THEMIS: variants seen among roughly 807,000 people sequenced by gnomAD.
The protein encoded by THEMIS is thymocyte selection associated.
A neutral mutation model predicts 52.6 loss-of-function variants in THEMIS; 37 were observed. The observed-to-expected ratio is 0.70, with a 90% CI of 0.54 to 0.93. The LOEUF is 0.93. THEMIS is among the 40% of genes least tolerant of loss of function. THEMIS has a pLI of 0.00. For synonymous variants in THEMIS, 292 were observed against 272.7 expected (o/e 1.07, Z -0.70); for missense variants, 808 against 763.1 (o/e 1.06, Z -0.69).
At chr6:127,785,210 A>C in intron 4 of THEMIS, among the ~76,000 whole-genome samples, 5 of 78,016 alleles carry the variant, frequency 6.4e-5, no homozygotes, top group South Asian at 3.0e-4. Context: ...CTACCTACCT[A>C]TTATCTATCT....
chr6:127,835,130 ACCT>A (rs1778833944), intron 2 of THEMIS, among the ~76,000 whole-genome samples: 1 of 151,348 alleles, frequency 6.6e-6, no homozygotes, highest in Admixed American at 6.6e-5. Flanking sequence ...GCTAGAAAGA[ACCT>A]CCACAGACCT....
chr6:127,753,913 A>AATG (rs1190698082), intron 4 of THEMIS, among the ~76,000 whole-genome samples: 4 of 151,958 alleles, frequency 2.6e-5, no homozygotes, highest in Non-Finnish European at 2.9e-5. Context: ...AACAACAATA[A>AATG]ATGATGATGA....
intron 4 of THEMIS, among the ~76,000 whole-genome samples, chr6:127,772,467 T>A (rs1205223160): frequency 3.3e-5 from 5 of 152,104 alleles, no homozygotes; most frequent in Non-Finnish European, 7.4e-5. Flanking sequence ...GGAAACAGGA[T>A]CATTTGTCCA....
chr6:127,734,793 CGAGAG>C (rs1562223082), intron 4 of THEMIS, among the ~76,000 whole-genome samples: 1 of 142,966 alleles, frequency 7.0e-6, no homozygotes, highest in African/African-American at 2.6e-5. Flanking sequence ...CGCTTGAACC[CGAGAG>C]GCTGAGGTTG....
chr6:127,877,591 G>A (rs1338747297), intron 1 of THEMIS, among the ~76,000 whole-genome samples: 1 of 152,262 alleles, frequency 6.6e-6, no homozygotes, highest in East Asian at 1.9e-4. Flanking sequence ...ATGGCTGGTC[G>A]AGGGAGCAGT....
At chr6:127,730,319 A>AAAAGAAAAGAAC (rs1774736312) in intron 4 of THEMIS, among the ~76,000 whole-genome samples, 1 of 138,686 alleles carries the variant, frequency 7.2e-6, no homozygotes, top group South Asian at 2.1e-4. Context: ...AAGAAAAGAG[A>AAAAGAAAAGAAC]AAAAAAGAAA....
intron 5 of THEMIS, among the ~76,000 whole-genome samples, chr6:127,712,671 T>C (rs579512): frequency 0.47 from 71,315 of 151,634 alleles, 18,033 homozygotes; most frequent in Non-Finnish European, 0.58. Context: ...ATCAAGTAAA[T>C]TATTTCATTC....
intron 4 of THEMIS, among the ~76,000 whole-genome samples, 182 bp downstream of exon 4, chr6:127,812,701 T>C (rs369950093): frequency 5.9e-5 from 9 of 152,176 alleles, no homozygotes; most frequent in African/African-American, 2.2e-4. Context: ...CACATCAAAA[T>C]ATAAAACGCT....
chr6:127,886,608 T>C (rs1050284598), intron 1 of THEMIS, among the ~76,000 whole-genome samples: 1 of 152,044 alleles, frequency 6.6e-6, no homozygotes, highest in Non-Finnish European at 1.5e-5. Context: ...GTAGCTGAGG[T>C]CAGTCCCATG....
At chr6:127,718,071 T>C (rs1235649039) in intron 5 of THEMIS, among the ~76,000 whole-genome samples, 5 of 151,874 alleles carry the variant, frequency 3.3e-5, no homozygotes, top group Non-Finnish European at 7.4e-5. Flanking sequence ...GAACATATAC[T>C]ATATTATATA....
At chr6:127,858,278 A>C (rs1779683284) in intron 1 of THEMIS, among the ~76,000 whole-genome samples, 1 of 152,124 alleles carries the variant, frequency 6.6e-6, no homozygotes, top group African/African-American at 2.4e-5. Flanking sequence ...CTTTTGGAAG[A>C]AAAAAGCTCA....
chr6:127,806,156 T>C (rs1484007749), intron 4 of THEMIS, among the ~76,000 whole-genome samples: 1 of 152,170 alleles, frequency 6.6e-6, no homozygotes, highest in Non-Finnish European at 1.5e-5. Flanking sequence ...ATTGCTATCA[T>C]TTCAAACAGG....
At chr6:127,768,131 A>G (rs144705568) in intron 4 of THEMIS, among the ~76,000 whole-genome samples, 1 of 152,358 alleles carries the variant, frequency 6.6e-6, no homozygotes, top group Non-Finnish European at 1.5e-5. Context: ...GCACATAAAC[A>G]CACAATTTAC....
chr6:127,869,653 G>A (rs1780094895), intron 1 of THEMIS, among the ~76,000 whole-genome samples: 1 of 152,174 alleles, frequency 6.6e-6, no homozygotes, highest in African/African-American at 2.4e-5. Context: ...GGAAGATGGA[G>A]TAGACATACA....
Position 127,718,590 on chromosome 6 carries a change from C to G in THEMIS, c.1894+1098G>C, listed in dbSNP as rs1036093747. ...TCTGGTACTTTTTAGAATCCACAATCTTAAAGAAAGAAAGAAAAACAAGTT... is the reference window on the plus strand; with the variant it reads ...TCTGGTACTTTTTAGAATCCACAATGTTAAAGAAAGAAAGAAAAACAAGTT... On this transcript the variant is annotated intron_variant, in intron 5 of 5. Transcript: ENST00000368248. 2.4e-4 allele frequency among the ~76,000 whole-genome samples: 37 copies of G among 151,950 alleles called. 1 individual carries two copies. The highest frequency in any genetic ancestry group is 2.0e-3 in the Admixed American group (31 of 15,218).
the THEMIS span, among the ~76,000 whole-genome samples, chr6:127,702,347 G>C: frequency 6.6e-6 from 1 of 152,214 alleles, no homozygotes; most frequent in South Asian, 2.1e-4. Context: ...ATATGCTGCT[G>C]TATTTCCTAA....
Position 127,796,035 on chromosome 6 carries a change from T to A in THEMIS, c.1758+16848A>T, listed in dbSNP as rs567229553. 3.3e-5 allele frequency among the ~76,000 whole-genome samples: 5 copies of A among 152,340 alleles called. No homozygotes were observed. In the East Asian group the frequency reaches 9.6e-4, roughly 29 times the overall value. On this transcript the variant is annotated intron_variant, in intron 4 of 5. Transcript: ENST00000368248. ...CATACTATATGCAAAATAAATTTTT[T>A]CACAGATTAAAAAGTTAAATAAGAA...
intron 1 of THEMIS, among the ~76,000 whole-genome samples, chr6:127,869,288 A>T (rs1318472160): frequency 6.6e-6 from 1 of 152,198 alleles, no homozygotes. Flanking sequence ...CTTAGCCTAA[A>T]CTACCTTAGA....
intron 4 of THEMIS, among the ~76,000 whole-genome samples, chr6:127,759,893 T>C: frequency 7.3e-6 from 1 of 137,714 alleles, no homozygotes; most frequent in Admixed American, 7.3e-5. Flanking sequence ...CTCTCTCTCT[T>C]TCTTTCTCTT....
Sources: allele counts gnomAD v4.1 joint callset (sites outside exome capture counted in the v4.1 genomes callset), GRCh38; gene constraint gnomAD v4.1.1; transcripts MANE v1.5; gene names NCBI Gene and HGNC (gene_info 2026-07-23, HGNC 2026-07-21).